The following GRID1 variants were observed in gnomAD, a reference collection of about 807,000 sequenced individuals.
GRID1 encodes the protein glutamate ionotropic receptor delta type subunit 1, also known as glutamate receptor ionotropic, delta-1.
Under a neutral mutation model 98.0 loss-of-function variants are expected in GRID1, and 28 were observed. The observed-to-expected ratio is 0.29, with a 90% CI of 0.21 to 0.39. The LOEUF (loss-of-function observed/expected upper bound fraction) is 0.39. GRID1 is among the 10% of genes least tolerant of loss of function. The pLI is 1.00. For synonymous variants in GRID1, 553 were observed against 538.5 expected (o/e 1.03, Z -0.37); for missense variants, 1,111 against 1,340.5 (o/e 0.83, Z 2.67).
In GRID1 at chr10:86,171,975, TA is replaced by T. The variant is rs1845495402; in HGVS notation, c.521-32952del. ...CCTTAACTCTGTGATGTGGTTGGTA[TA>T]TTTTTTTCAAGCAGCTTTATTGAGA... is the stretch of plus-strand genomic sequence containing the variant. On this transcript the variant is annotated intron_variant, in intron 3 of 15. Transcript: ENST00000327946. 3.3e-5 allele frequency among the ~76,000 whole-genome samples: 5 copies of T among 152,344 alleles called. No individual in the cohort carries two copies. In the South Asian group the frequency reaches 6.2e-4, roughly 19 times the overall value.
intron 2 of GRID1, among the ~76,000 whole-genome samples, chr10:86,297,578 A>G (rs1847612516): frequency 1.3e-5 from 2 of 152,226 alleles, no homozygotes; most frequent in African/African-American, 4.8e-5. Context: ...CAAGTTTCAT[A>G]CTGATAAAAG....
chr10:86,338,115 G>A (rs180873242), intron 2 of GRID1, among the ~76,000 whole-genome samples: 130 of 152,206 alleles, frequency 8.5e-4, no homozygotes, highest in Admixed American at 2.6e-3. Flanking sequence ...CTCTTGGATG[G>A]GCACATGACC....
intron 5 of GRID1, among the ~76,000 whole-genome samples, chr10:85,889,312 C>A (rs1841161791): frequency 6.6e-6 from 1 of 152,168 alleles, no homozygotes; most frequent in African/African-American, 2.4e-5. Context: ...TTGTAACATT[C>A]ACCAACTTCT....
intron 12 of GRID1, among the ~76,000 whole-genome samples, chr10:85,712,993 T>C (rs1049414109): frequency 3.3e-5 from 5 of 151,634 alleles, no homozygotes; most frequent in Non-Finnish European, 7.4e-5. Flanking sequence ...TCTAACTTTA[T>C]ATCTCAAGGA....
At chr10:85,817,631 C>G (rs547351583) in intron 8 of GRID1, among the ~76,000 whole-genome samples, 2 of 150,130 alleles carry the variant, frequency 1.3e-5, no homozygotes, top group Middle Eastern at 3.5e-3. Context: ...CAGTGGCTCA[C>G]GCCTGTAATC....
chr10:85,925,207 G>A (rs1337416534), intron 4 of GRID1, among the ~76,000 whole-genome samples: 1 of 152,064 alleles, frequency 6.6e-6, no homozygotes, highest in Admixed American at 6.6e-5. Context: ...ACCAAATAAG[G>A]CCCCCCATGT....
intron 4 of GRID1, among the ~76,000 whole-genome samples, chr10:86,037,567 T>C (rs1170403906): frequency 1.3e-5 from 2 of 152,192 alleles, no homozygotes; most frequent in Non-Finnish European, 2.9e-5. Context: ...GAGGTTATTG[T>C]CTTAGGAAGC....
intron 3 of GRID1, among the ~76,000 whole-genome samples, chr10:86,142,602 C>A (rs1358780124): frequency 6.6e-6 from 1 of 152,270 alleles, no homozygotes; most frequent in Non-Finnish European, 1.5e-5. Context: ...CATTTACAAG[C>A]TTCTGCTCCT....
At chr10:86,346,175 G>T (rs1008161843) in intron 2 of GRID1, among the ~76,000 whole-genome samples, 8 of 152,178 alleles carry the variant, frequency 5.3e-5, no homozygotes, top group Admixed American at 2.6e-4. Flanking sequence ...GCTGGGTGTG[G>T]CCTGCCAGGG....
chr10:85,925,814 A>G (rs1234609567), intron 4 of GRID1, among the ~76,000 whole-genome samples: 1 of 152,226 alleles, frequency 6.6e-6, no homozygotes, highest in Non-Finnish European at 1.5e-5. Flanking sequence ...CAGCTGCTCA[A>G]TTAAAGCATT....
chr10:85,930,625 G>T (rs1464360799), intron 4 of GRID1, among the ~76,000 whole-genome samples: 1 of 151,262 alleles, frequency 6.6e-6, no homozygotes, highest in African/African-American at 2.4e-5. Context: ...TCTTGTTTTG[G>T]TATTTTGACT....
rs563519691 is a variant in GRID1 at position 85,617,211 on chromosome 10, C to A, written c.2360+2656G>T. On this transcript the variant is annotated intron_variant, in intron 14 of 15. Coordinates refer to ENST00000327946, the MANE Select transcript of GRID1 (RefSeq NM_017551.3). ...TAGAGGCAGCTCACAGTTCTGCATG[C>A]ACCATACAACAAAGCCCCCCCCCCC... 7.9e-5 allele frequency among the ~76,000 whole-genome samples: 12 copies of A among 151,262 alleles called. No homozygotes were observed. The South Asian group carries it at 2.5e-3, about 32-fold the overall frequency.
chr10:85,609,416 GT>G (rs1188217337), intron 15 of GRID1, among the ~76,000 whole-genome samples: 1 of 152,192 alleles, frequency 6.6e-6, no homozygotes, highest in Non-Finnish European at 1.5e-5. Context: ...GCCTTCCCTT[GT>G]TGAATCCTCA....
intron 13 of GRID1, chr10:85,646,111 AGT>A (rs58539676): frequency 0.017 from 2,445 of 148,122 alleles, 64 homozygotes; most frequent in African/African-American, 0.055. Context: ...CACAGGGATG[AGT>A]GTGTGTGTGT....
chr10:86,290,025 C>T (rs758834832), intron 2 of GRID1, among the ~76,000 whole-genome samples: 3 of 152,182 alleles, frequency 2.0e-5, no homozygotes, highest in African/African-American at 4.8e-5. Flanking sequence ...GAGCAGAAGG[C>T]GTAACCGCTA....
intron 8 of GRID1, among the ~76,000 whole-genome samples, chr10:85,825,670 G>A (rs1007315434): frequency 2.0e-5 from 3 of 152,032 alleles, no homozygotes; most frequent in Admixed American, 6.6e-5. Context: ...AATAGCAAAA[G>A]GTAACAAGTT....
chr10:86,239,913 G>T (rs189831011), intron 2 of GRID1, among the ~76,000 whole-genome samples: 26 of 152,236 alleles, frequency 1.7e-4, no homozygotes, highest in Non-Finnish European at 1.0e-4. Flanking sequence ...AAATTAAAAC[G>T]AATCAGGAAG....
At chr10:86,324,336 G>A (rs765515272) in intron 2 of GRID1, among the ~76,000 whole-genome samples, 2 of 152,144 alleles carry the variant, frequency 1.3e-5, no homozygotes, top group Non-Finnish European at 2.9e-5. Context: ...TGAGAGACAC[G>A]TGTAAACATA....
In GRID1 at chr10:85,599,915, T is replaced by TCC. The variant is rs1449011118; in HGVS notation, c.*2357_*2358insGG. On this transcript the variant is annotated 3_prime_UTR_variant, in exon 16 of 16. Transcript: ENST00000327946. The stretch of plus-strand genomic sequence containing the variant: ...GCTGGTCTCTCTCTCTCTCTCTCTC[T>TCC]CTCTCACACACACACACACACACAA... The TCC allele has an allele frequency of 1.8e-4, 16 of 88,866 alleles. No individual in the cohort carries two copies. The highest frequency in any genetic ancestry group is 9.2e-4 in the African/African-American group (15 of 16,286). 5.5% of individuals were successfully genotyped at this position (88,866 alleles called of 1,614,324 possible). A position where few individuals can be genotyped will look rare whatever the true frequency, so the allele number is the denominator to read the frequency against.
Sources: gnomAD v4.1 joint callset for allele counts (sites outside exome capture counted in the v4.1 genomes callset) on GRCh38, gnomAD v4.1.1 for gene constraint, MANE v1.5 for transcripts, NCBI Gene and HGNC (gene_info 2026-07-23, HGNC 2026-07-21) for gene names.